ICA1: variants seen among roughly 807,000 people sequenced by gnomAD.
ICA1 encodes islet cell autoantigen 1, also known as 69 kDa islet cell autoantigen.
Under a neutral mutation model 71.0 loss-of-function variants are expected in ICA1, and 40 were observed. The observed-to-expected ratio is 0.56, with a 90% CI of 0.44 to 0.73. ICA1 has a LOEUF of 0.73. Among genes scored for constraint, ICA1 ranks in the 30% least tolerant of loss-of-function variants. ICA1 has a pLI of 0.00. For missense variants in ICA1, 578 were observed against 576.5 expected (o/e 1.00, Z -0.03); for synonymous variants, 207 against 209.5 (o/e 0.99, Z 0.10).
At chr7:8,131,317 T>TA (rs1386314640) in intron 12 of ICA1, among the ~76,000 whole-genome samples, 1 of 152,218 alleles carries the variant, frequency 6.6e-6, no homozygotes, top group Non-Finnish European at 1.5e-5. Flanking sequence ...TTTTTGCTTT[T>TA]AAAAATTTAA....
intron 6 of ICA1, among the ~76,000 whole-genome samples, chr7:8,180,837 C>CTTT (rs571384468): frequency 0.018 from 2,608 of 143,762 alleles, 58 homozygotes; most frequent in East Asian, 0.076. Context: ...GTCTCTCTCT[C>CTTT]TTTTTTTTTT....
chr7:8,114,183 A>T, intron 13 of ICA1, 139 bp from the exon 14 acceptor site: 1 of 929,548 alleles, frequency 1.1e-6, no homozygotes, highest in Non-Finnish European at 1.6e-6. Flanking sequence ...CTCTGACAAT[A>T]GTTAGGGAAT....
At chr7:8,212,997 C>G (rs1794304532) in intron 6 of ICA1, among the ~76,000 whole-genome samples, 1 of 152,168 alleles carries the variant, frequency 6.6e-6, no homozygotes, top group African/African-American at 2.4e-5. Context: ...AAACAGCAGG[C>G]TTTTCCTTCG....
chr7:8,139,756 G>A (rs1006507738), intron 10 of ICA1, among the ~76,000 whole-genome samples: 1 of 152,170 alleles, frequency 6.6e-6, no homozygotes, highest in Admixed American at 6.5e-5. Flanking sequence ...GAAAGGCTAT[G>A]TATATGCTGG....
At chr7:8,225,586 T>A (rs1798366312) in intron 4 of ICA1, among the ~76,000 whole-genome samples, 1 of 152,232 alleles carries the variant, frequency 6.6e-6, no homozygotes, top group African/African-American at 2.4e-5. Flanking sequence ...TACTCACTGC[T>A]ATGGAGCGTT....
chr7:8,126,539 A>T (rs1009443988), intron 13 of ICA1, among the ~76,000 whole-genome samples: 9 of 144,624 alleles, frequency 6.2e-5, no homozygotes, highest in Middle Eastern at 3.5e-3. Flanking sequence ...TATTTCATTT[A>T]AAAAAAAAGA....
At chr7:8,231,655 G>A (rs1800316118) in intron 3 of ICA1, among the ~76,000 whole-genome samples, 1 of 152,174 alleles carries the variant, frequency 6.6e-6, no homozygotes, top group African/African-American at 2.4e-5. Flanking sequence ...ATCTCACAGG[G>A]TTAGTCCTAA....
chr7:8,221,194 G>T, intron 5 of ICA1, 81 bp downstream of exon 5: 1 of 1,564,978 alleles, frequency 6.4e-7, no homozygotes, highest in South Asian at 1.1e-5. Context: ...AAAGAACACT[G>T]TGAGATTCCC....
chr7:8,165,439 C>T (rs2128218906), intron 6 of ICA1, among the ~76,000 whole-genome samples: 1 of 152,264 alleles, frequency 6.6e-6, no homozygotes. Context: ...TGTTTCTTCT[C>T]AGCATTCCCC....
chr7:8,228,139 G>T (rs1207169750), intron 4 of ICA1, among the ~76,000 whole-genome samples: 1 of 152,136 alleles, frequency 6.6e-6, no homozygotes, highest in Non-Finnish European at 1.5e-5. Context: ...GTGACTATAT[G>T]AAAATATTGT....
intron 6 of ICA1, among the ~76,000 whole-genome samples, chr7:8,175,397 G>A (rs779722805): frequency 2.0e-5 from 3 of 152,158 alleles, no homozygotes; most frequent in Non-Finnish European, 2.9e-5. Context: ...ACAATTCAGT[G>A]ATAATAAATA....
intron 13 of ICA1, among the ~76,000 whole-genome samples, chr7:8,122,173 G>A (rs1361046026): frequency 6.6e-6 from 1 of 152,162 alleles, no homozygotes. Flanking sequence ...GGGGACAGAC[G>A]GGTGCACTGA....
At chr7:8,133,765 A>G (rs1042363982) in intron 12 of ICA1, among the ~76,000 whole-genome samples, 6 of 151,982 alleles carry the variant, frequency 3.9e-5, no homozygotes, top group Non-Finnish European at 7.4e-5. Context: ...GCCTTCATTC[A>G]ATTTGGCAAA....
rs1800631893 is a variant in ICA1 at position 8,232,717 on chromosome 7, T to C, written c.56A>G (p.Asp19Gly). 1 of 1,610,200 alleles carries C rather than the reference T, an allele frequency of 6.2e-7. No individual in the cohort carries two copies. Among genetic ancestry groups the C allele is most frequent in the East Asian group, 2.2e-5 (1 of 44,750 alleles). ...TTGCATCTTATTTACAACTGACTTA[T>C]CTTGAGCATATCGATCCTGTAAGTC... ...PWDLQDRYAQ[D>G]KSVVNKMQQK... is the part of the protein sequence containing the mutation. The change falls in exon 3 of 14, where the codon GAT becomes GGT. Residue 19 changes from aspartate (D) to glycine (G), a missense_variant. Asp to Gly is a moderately conservative substitution (Grantham distance 94). Coordinates refer to ENST00000402384, the MANE Select transcript of ICA1 (RefSeq NM_001136020.3).
Position 8,157,185 on chromosome 7 carries a change from A to T in ICA1, c.735T>A (p.Thr245=). The stretch of plus-strand genomic sequence containing the variant: ...CATGGATGGCTGCCATAGTGTGAGA[A>T]GTTTTCTCCCAAAAATGAAGCAGAG... ...QTTLLHFWEK[T]SHTMAAIHES... The change falls in exon 8 of 14, where the codon ACT becomes ACA. Residue 245 remains threonine, a synonymous_variant. Coordinates refer to ENST00000402384, the MANE Select transcript of ICA1 (RefSeq NM_001136020.3). 1 of 1,606,118 alleles carries T rather than the reference A, an allele frequency of 6.2e-7. No individual in the cohort carries two copies. The highest frequency in any genetic ancestry group is 8.5e-7 in the Non-Finnish European group (1 of 1,177,878).
chr7:8,254,848 T>G (rs908686429), intron 1 of ICA1, among the ~76,000 whole-genome samples: 1 of 152,106 alleles, frequency 6.6e-6, no homozygotes, highest in African/African-American at 2.4e-5. Context: ...TCAACAGCAT[T>G]AGGCACCAGG....
At chr7:8,238,921 G>T (rs1802761797) in intron 1 of ICA1, among the ~76,000 whole-genome samples, 2 of 152,136 alleles carry the variant, frequency 1.3e-5, no homozygotes. Flanking sequence ...GAATGATTCT[G>T]GGAATCTAGT....
At chr7:8,250,723 A>G (rs1356052962) in intron 1 of ICA1, among the ~76,000 whole-genome samples, 1 of 152,220 alleles carries the variant, frequency 6.6e-6, no homozygotes, top group Non-Finnish European at 1.5e-5. Context: ...AGTAAATGTG[A>G]AATGGGATCA....
intron 6 of ICA1, among the ~76,000 whole-genome samples, chr7:8,194,546 A>G (rs764769344): frequency 3.9e-5 from 6 of 152,222 alleles, no homozygotes; most frequent in Non-Finnish European, 8.8e-5. Context: ...AAGTCCCTTG[A>G]GCCATCAAAA....
Sources: gnomAD v4.1 joint callset for allele counts (sites outside exome capture counted in the v4.1 genomes callset) on GRCh38, gnomAD v4.1.1 for gene constraint, MANE v1.5 for transcripts, NCBI Gene and HGNC (gene_info 2026-07-23, HGNC 2026-07-21) for gene names.